Variants in ZNF488 observed in about 807,000 individuals in gnomAD.
The protein encoded by ZNF488 is zinc finger protein 488.
Under a neutral mutation model 1.2 loss-of-function variants are expected in ZNF488, and 1 was observed. The observed-to-expected ratio is 0.86, with a 90% CI of 0.30 to 4.07. The LOEUF is 4.07. ZNF488 is among the 30% of genes most tolerant of loss of function. The pLI, the probability that ZNF488 is intolerant of heterozygous loss-of-function variation, is 0.18. For synonymous variants in ZNF488, 185 were observed against 190.1 expected (o/e 0.97, Z 0.22); for missense variants, 450 against 437.9 (o/e 1.03, Z -0.25).
At chr10:47,382,027 C>T (rs782214242) in intron 1 of ZNF488, among the ~76,000 whole-genome samples, 5 of 152,250 alleles carry the variant, frequency 3.3e-5, no homozygotes, top group Admixed American at 6.5e-5. Context: ...GTCACTCAGG[C>T]GCCAGGGCAC....
Position 47,368,392 on chromosome 10 carries a change from T to G in ZNF488, c.438A>C (p.Lys146Asn). 6.2e-7 allele frequency: 1 copy of G among 1,614,150 alleles called. No individual in the cohort carries two copies. The highest frequency in any genetic ancestry group is 8.5e-7 in the Non-Finnish European group (1 of 1,180,024). Residue 146 changes from lysine to asparagine, a missense_variant, in exon 2 of 2, where the codon AAA becomes AAC. Physicochemically the swap from Lys to Asn is moderately conservative, Grantham distance 94. Transcript: ENST00000585316. The part of the protein sequence containing the change: ...QNIPRGPAGS[K>N]VFSVWPSGAR... ...CTCCGCTGGGCCACACAGAGAAGAC[T>G]TTGCTGCCAGCTGGGCCTCTGGGGA...
chr10:47,374,973 T>A (rs1396259487), intron 1 of ZNF488, among the ~76,000 whole-genome samples: 2 of 152,220 alleles, frequency 1.3e-5, no homozygotes, highest in East Asian at 3.8e-4. Context: ...GAGATGGGGT[T>A]AGAAACAGTT....
At chr10:47,371,420 T>A (rs2132284859) in intron 1 of ZNF488, among the ~76,000 whole-genome samples, 1 of 152,192 alleles carries the variant, frequency 6.6e-6, no homozygotes, top group East Asian at 1.9e-4. Context: ...AAGCAATAGA[T>A]ATGTGAAAAA....
At chr10:47,369,261 T>C (rs72792028) in intron 1 of ZNF488, among the ~76,000 whole-genome samples, 13,554 of 151,946 alleles carry the variant, frequency 0.089, 717 homozygotes, top group Middle Eastern at 0.13. Flanking sequence ...AAATGGAGAG[T>C]CTGCAGGGGA....
chr10:47,368,291 AAGACT>A lies in ZNF488; in HGVS notation c.534_538del (p.Val179ProfsTer36). The A allele has an allele frequency of 2.5e-6, 4 of 1,614,154 alleles. No individual in the cohort carries two copies. Among genetic ancestry groups the A allele is most frequent in the Non-Finnish European group, 3.4e-6 (4 of 1,180,026 alleles). ...GGCATCTGCAGATTCCCCTGCAGGGAAGACTGAGGTTAGCTCAGGCCTCTCTGCTG... is the reference window on the plus strand; with the variant it reads ...GGCATCTGCAGATTCCCCTGCAGGGAGAGGTTAGCTCAGGCCTCTCTGCTG... On this transcript the variant is annotated frameshift_variant, in exon 2 of 2. Coordinates refer to ENST00000585316, the MANE Select transcript of ZNF488 (RefSeq NM_153034.4). LOFTEE classifies it low-confidence loss of function (END_TRUNC).
intron 1 of ZNF488, among the ~76,000 whole-genome samples, chr10:47,377,710 C>G (rs1837741477): frequency 7.3e-6 from 1 of 136,736 alleles, no homozygotes; most frequent in African/African-American, 2.8e-5. Flanking sequence ...CACACACACA[C>G]ACACACACGG....
Position 47,384,277 on chromosome 10 carries a change from C to G in ZNF488, c.-166G>C, listed in dbSNP as rs1216208817. The G allele has an allele frequency of 2.0e-5, 3 of 152,282 alleles. No individual in the cohort carries two copies. Among genetic ancestry groups the G allele is most frequent in the African/African-American group, 4.8e-5 (2 of 41,478 alleles). The allele number at this position is 152,282 out of a possible 1,614,324, so 9.4% of individuals were successfully genotyped here. On this transcript the variant is annotated 5_prime_UTR_variant, in exon 1 of 2. Coordinates refer to ENST00000585316, the MANE Select transcript of ZNF488 (RefSeq NM_153034.4). ...CTGGTGCAGCACAGCCTCCTCCCGG[C>G]CAAGAGCACTGCGCGTGGCTCTGAA...
At chr10:47,373,150 T>C (rs1837546649) in intron 1 of ZNF488, among the ~76,000 whole-genome samples, 1 of 152,314 alleles carries the variant, frequency 6.6e-6, no homozygotes, top group Admixed American at 6.5e-5. Context: ...CTCTAGTGCT[T>C]GGCAAGTAAG....
intron 1 of ZNF488, among the ~76,000 whole-genome samples, chr10:47,380,154 C>T (rs1409458417): frequency 6.6e-6 from 1 of 152,278 alleles, no homozygotes; most frequent in Admixed American, 6.5e-5. Context: ...GGCTCTCACC[C>T]CCTGACACTC....
chr10:47,382,346 A>G (rs1467322112), intron 1 of ZNF488, among the ~76,000 whole-genome samples: 1 of 152,268 alleles, frequency 6.6e-6, no homozygotes, highest in Non-Finnish European at 1.5e-5. Flanking sequence ...CAACAATAGC[A>G]TCATCTAAGG....
At chr10:47,374,212 T>C (rs1230362508) in intron 1 of ZNF488, among the ~76,000 whole-genome samples, 3 of 152,186 alleles carry the variant, frequency 2.0e-5, no homozygotes, top group Non-Finnish European at 4.4e-5. Flanking sequence ...CCGAGTGACA[T>C]CTTTATGTGG....
intron 1 of ZNF488, among the ~76,000 whole-genome samples, chr10:47,380,941 C>A (rs935225888): frequency 3.6e-5 from 2 of 56,094 alleles, no homozygotes; most frequent in Non-Finnish European, 7.9e-5. Flanking sequence ...AGGGGTATCA[C>A]TTCTTATCGC....
In ZNF488 at chr10:47,371,559, G is replaced by A. The variant is rs1405464179; in HGVS notation, c.-108-2622C>T. Among the ~76,000 whole-genome samples, 5 of 151,964 alleles carry A rather than the reference G, an allele frequency of 3.3e-5. No homozygotes were observed. The East Asian group carries it at 9.7e-4, about 29-fold the overall frequency. Reference sequence around the variant, plus strand: ...ATGATGCTAGTATCATGGAATTTGGGGGAGTTTTTTCTCAACTTTCCAATA... The same window carrying A: ...ATGATGCTAGTATCATGGAATTTGGAGGAGTTTTTTCTCAACTTTCCAATA... On this transcript the variant is annotated intron_variant, in intron 1 of 1. Transcript: ENST00000585316.
At chr10:47,384,064 G>A (rs1588894398) in intron 1 of ZNF488, among the ~76,000 whole-genome samples, 156 bp downstream of exon 1, 1 of 152,320 alleles carries the variant, frequency 6.6e-6, no homozygotes, top group Non-Finnish European at 1.5e-5. Flanking sequence ...GTGGGAGAGA[G>A]AGGAAGCTGG....
At chr10:47,383,157 C>T (rs1217901795) in intron 1 of ZNF488, among the ~76,000 whole-genome samples, 2 of 152,182 alleles carry the variant, frequency 1.3e-5, no homozygotes, top group Non-Finnish European at 2.9e-5. Context: ...ATCTTTGATA[C>T]TAACAGGAAA....
At chr10:47,377,657 G>A (rs1333491381) in intron 1 of ZNF488, among the ~76,000 whole-genome samples, 1 of 127,458 alleles carries the variant, frequency 7.8e-6, no homozygotes. Context: ...ACCCAGAGGA[G>A]CCAGCAATAA....
chr10:47,369,204 G>A (rs963421404), intron 1 of ZNF488, among the ~76,000 whole-genome samples: 12 of 152,232 alleles, frequency 7.9e-5, no homozygotes, highest in Non-Finnish European at 1.5e-4. Context: ...AGAGAGAAAC[G>A]TAGGATTCCC....
Position 47,368,836 on chromosome 10 carries a change from G to C in ZNF488, c.-7C>G. 6.4e-7 allele frequency: 1 copy of C among 1,568,476 alleles called. No individual in the cohort carries two copies. The highest frequency in any genetic ancestry group is 8.6e-7 in the Non-Finnish European group (1 of 1,159,370). ...AAGGTGGCCACTCTGGCATTCATCA[G>C]TCTTTGGGGGTTTGGGGTTCTGGAG... On this transcript the variant is annotated 5_prime_UTR_variant, in exon 2 of 2. Transcript: ENST00000585316.
intron 1 of ZNF488, among the ~76,000 whole-genome samples, chr10:47,375,049 T>G (rs1364421314): frequency 1.3e-5 from 2 of 152,234 alleles, no homozygotes; most frequent in Non-Finnish European, 2.9e-5. Flanking sequence ...CTGACGAAAC[T>G]GAGTGGACAC....
Sources: allele counts gnomAD v4.1 joint callset (sites outside exome capture counted in the v4.1 genomes callset), GRCh38; gene constraint gnomAD v4.1.1; transcripts MANE v1.5; gene names NCBI Gene and HGNC (gene_info 2026-07-23, HGNC 2026-07-21).